The following CCT7 variants were observed in gnomAD, a reference collection of about 807,000 sequenced individuals.
The protein encoded by CCT7 is chaperonin containing TCP1 subunit 7.
Under a neutral mutation model 56.6 loss-of-function variants are expected in CCT7, and 16 were observed. That is an observed-to-expected ratio of 0.28 (90% CI 0.19 to 0.43). The LOEUF (loss-of-function observed/expected upper bound fraction) is 0.43. Ranked by LOEUF, CCT7 falls within the 20% of genes least tolerant of loss-of-function variation. The probability of loss-of-function intolerance (pLI) is 1.00; values close to 1 mark genes in which losing one functional copy is unlikely to be tolerated. For synonymous variants in CCT7, 262 were observed against 254.8 expected (o/e 1.03, Z -0.27); for missense variants, 519 against 685.6 (o/e 0.76, Z 2.71).
In CCT7 at chr2:73,244,560, C is replaced by T. The variant is rs774687422; in HGVS notation, c.463C>T (p.Leu155=). 3.7e-6 allele frequency: 6 copies of T among 1,611,926 alleles called. No homozygotes were observed. The South Asian group carries it at 6.6e-5, about 18-fold the overall frequency. ...GTGTCCCAGGGAGCAGAGGAAGCTG[C>T]TGGAAAAGTGTGCCATGACCGCTCT... The part of the protein sequence containing the change: ...KADKVEQRKL[L]EKCAMTALSS... Residue 155 remains leucine, a synonymous_variant, in exon 6 of 12, where the codon CTG becomes TTG. Coordinates refer to ENST00000258091, the MANE Select transcript of CCT7 (RefSeq NM_006429.4).
chr2:73,249,306 C>CT (rs1223149842), intron 8 of CCT7, 127 bp downstream of exon 8: 48 of 680,552 alleles, frequency 7.1e-5, no homozygotes, highest in Non-Finnish European at 8.2e-5. Context: ...TTTTTTAACT[C>CT]TTTTTTTTCC....
chr2:73,240,417 T>C lies in CCT7; in HGVS notation c.161-20T>C. 1.3e-6 allele frequency: 2 copies of C among 1,587,224 alleles called. No homozygotes were observed. The highest frequency in any genetic ancestry group is 1.1e-5 in the South Asian group (1 of 89,910). Reference sequence around the variant, plus strand: ...AGCATTTAAGAAAGGGGCTTTAGATTTTTGTTTGTTTCTTTTAAGGCAAAG... The same window carrying C: ...AGCATTTAAGAAAGGGGCTTTAGATCTTTGTTTGTTTCTTTTAAGGCAAAG... On this transcript the variant is annotated intron_variant, in intron 2 of 11. Coordinates refer to ENST00000258091, the MANE Select transcript of CCT7 (RefSeq NM_006429.4).
rs1240544149 is a variant in CCT7 at position 73,240,861 on chromosome 2, A to G, written c.267+318A>G. The stretch of plus-strand genomic sequence containing the variant: ...AATTTGACTTCTCATCTCTTACAAA[A>G]TGGGGCTGTAAACTAAGACTTCCAA... On this transcript the variant is annotated intron_variant, in intron 3 of 11. Coordinates refer to ENST00000258091, the MANE Select transcript of CCT7 (RefSeq NM_006429.4). Among the ~76,000 whole-genome samples, 7 of 150,976 alleles carry G rather than the reference A, an allele frequency of 4.6e-5. No individual in the cohort carries two copies. The East Asian group carries it at 1.4e-3, about 29-fold the overall frequency.
chr2:73,248,310 A>G (rs1024933789), intron 7 of CCT7, among the ~76,000 whole-genome samples: 2 of 150,744 alleles, frequency 1.3e-5, no homozygotes, highest in Non-Finnish European at 2.9e-5. Flanking sequence ...CTCTGGAGGT[A>G]GCCATGTCAC....
In CCT7 at chr2:73,235,519, A is replaced by G. The variant is rs1686840752; in HGVS notation, c.6+1135A>G. ...CAAGGTAGAAGGAAATTAGCATTTA[A>G]CAGTACTTCCTCTCCCCTTTATGTC... On this transcript the variant is annotated intron_variant, in intron 1 of 11. Transcript: ENST00000258091. 3 of 1,000,602 alleles carry G rather than the reference A, an allele frequency of 3.0e-6. No individual in the cohort carries two copies. The South Asian group carries it at 1.4e-4, about 47-fold the overall frequency. The allele number at this position is 1,000,602 out of a possible 1,614,324, so 62.0% of individuals were successfully genotyped here. A position where few individuals can be genotyped will look rare whatever the true frequency, so the allele number is the denominator to read the frequency against.
chr2:73,250,445 G>A lies in CCT7; in HGVS notation c.1203+7G>A, dbSNP rs532688834. 5.9e-5 allele frequency: 96 copies of A among 1,613,652 alleles called. No individual in the cohort carries two copies. The South Asian group carries it at 1.0e-3, about 17-fold the overall frequency. ...CGTCAGGAGGGCCATCAAGGTACTGGGCTGATATCCTCCTGCTTGCACAGC... is the reference window on the plus strand; with the variant it reads ...CGTCAGGAGGGCCATCAAGGTACTGAGCTGATATCCTCCTGCTTGCACAGC... On this transcript the variant is annotated splice_region_variant and intron_variant, in intron 10 of 11. Coordinates refer to ENST00000258091, the MANE Select transcript of CCT7 (RefSeq NM_006429.4).
At chr2:73,244,414 G>C in intron 5 of CCT7, 130 bp from the exon 6 acceptor site, 2 of 749,748 alleles carry the variant, frequency 2.7e-6, no homozygotes, top group South Asian at 4.0e-5. Flanking sequence ...CTGCCCTAAA[G>C]ATACAAAAGG....
At chr2:73,244,986 G>A (rs1288279861) in intron 6 of CCT7, among the ~76,000 whole-genome samples, 2 of 152,194 alleles carry the variant, frequency 1.3e-5, no homozygotes, top group Non-Finnish European at 2.9e-5. Context: ...TGGTGGAGGG[G>A]TAGTAGGACT....
At chr2:73,240,624 T>A (rs181048196) in intron 3 of CCT7, 81 bp downstream of exon 3, 34 of 665,078 alleles carry the variant, frequency 5.1e-5, no homozygotes, top group Admixed American at 5.0e-4. Flanking sequence ...TAAATTTTTT[T>A]AAGATTTTAT....
chr2:73,252,612 T>C (rs1364833823), intron 11 of CCT7, 28 bp from the exon 12 acceptor site: 5 of 1,558,408 alleles, frequency 3.2e-6, no homozygotes, highest in Non-Finnish European at 4.4e-6. Context: ...AGTTCCATAT[T>C]ACCTCCTTTC....
At chr2:73,248,932 C>G in intron 7 of CCT7, 59 bp from the exon 8 acceptor site, 1 of 1,415,010 alleles carries the variant, frequency 7.1e-7, no homozygotes, top group Non-Finnish European at 9.8e-7. Context: ...ATATTTTACC[C>G]TACCGTATAT....
chr2:73,235,762 C>A (rs1182015331), intron 1 of CCT7: 1 of 166,000 alleles, frequency 6.0e-6, no homozygotes, highest in African/African-American at 2.4e-5. Flanking sequence ...AATGTTAGCT[C>A]TTACTCGGCG....
chr2:73,249,208 G>A lies in CCT7; in HGVS notation c.972+29G>A, dbSNP rs749568241. On this transcript the variant is annotated intron_variant, in intron 8 of 11. Transcript: ENST00000258091. ...ACCAGATTTTCACAGGCTGCTTCTCGGCCTTTGTGGCCCTGAAGGGTTTTC... is the reference window on the plus strand; with the variant it reads ...ACCAGATTTTCACAGGCTGCTTCTCAGCCTTTGTGGCCCTGAAGGGTTTTC... 9 of 1,563,666 alleles carry A rather than the reference G, an allele frequency of 5.8e-6. No individual in the cohort carries two copies. In the South Asian group the frequency reaches 7.1e-5, roughly 12 times the overall value.
intron 1 of CCT7, among the ~76,000 whole-genome samples, chr2:73,236,069 T>C (rs1686868586): frequency 6.6e-6 from 1 of 152,256 alleles, no homozygotes; most frequent in Non-Finnish European, 1.5e-5. Flanking sequence ...CCTGATATTC[T>C]AGAATACTTC....
intron 3 of CCT7, 108 bp from the exon 4 acceptor site, chr2:73,242,896 C>A: frequency 7.5e-7 from 1 of 1,336,036 alleles, no homozygotes; most frequent in Non-Finnish European, 1.0e-6. Context: ...AGCTTGACAT[C>A]CATTTAAATA....
At chr2:73,248,518 T>TG (rs1687443011) in intron 7 of CCT7, among the ~76,000 whole-genome samples, 1 of 151,392 alleles carries the variant, frequency 6.6e-6, no homozygotes, top group East Asian at 1.9e-4. Flanking sequence ...GCCCAGCTAA[T>TG]TTTTTTTTGT....
chr2:73,241,007 C>G (rs1239717333), intron 3 of CCT7, among the ~76,000 whole-genome samples: 2 of 144,430 alleles, frequency 1.4e-5, no homozygotes, highest in Non-Finnish European at 3.0e-5. Context: ...GTCGTTGGAA[C>G]TACTGGCATT....
intron 11 of CCT7, among the ~76,000 whole-genome samples, chr2:73,251,881 G>A (rs1325330782): frequency 6.6e-6 from 1 of 152,066 alleles, no homozygotes; most frequent in East Asian, 1.9e-4. Context: ...AGAGCTTGCA[G>A]TGAGCAGAGA....
intron 6 of CCT7, among the ~76,000 whole-genome samples, chr2:73,246,170 A>G (rs1687325970): frequency 6.6e-6 from 1 of 152,224 alleles, no homozygotes; most frequent in South Asian, 2.1e-4. Flanking sequence ...TTTACTTGTT[A>G]CCAGGGTTAA....
Sources: gnomAD v4.1 joint callset for allele counts (sites outside exome capture counted in the v4.1 genomes callset) on GRCh38, gnomAD v4.1.1 for gene constraint, MANE v1.5 for transcripts, NCBI Gene and HGNC (gene_info 2026-07-23, HGNC 2026-07-21) for gene names.